Variants in PCOLCE2 observed in about 807,000 individuals in gnomAD.
PCOLCE2 encodes procollagen C-proteinase enhancer 2.
Under a neutral mutation model 47.0 loss-of-function variants are expected in PCOLCE2, and 42 were observed. The ratio of observed to expected loss-of-function variants is 0.89; its 90% CI spans 0.70 to 1.16. The LOEUF is 1.16. Ranked by LOEUF, PCOLCE2 falls within the 50% of genes most tolerant of loss-of-function variation. PCOLCE2 has a pLI of 0.00. For synonymous variants in PCOLCE2, 169 were observed against 191.7 expected (o/e 0.88, Z 0.98); for missense variants, 500 against 526.1 (o/e 0.95, Z 0.49).
At chr3:142,829,916 CT>C in intron 5 of PCOLCE2, 70 bp from the exon 6 acceptor site, 1 of 917,390 alleles carries the variant, frequency 1.1e-6, no homozygotes, top group Non-Finnish European at 1.6e-6. Flanking sequence ...GTAAAATTTT[CT>C]AGTTTTCCAT....
intron 2 of PCOLCE2, among the ~76,000 whole-genome samples, chr3:142,876,056 A>G (rs1174811363): frequency 1.3e-5 from 2 of 152,218 alleles, no homozygotes; most frequent in African/African-American, 4.8e-5. Flanking sequence ...AGTTTCTCCA[A>G]GAACCATCAG....
intron 2 of PCOLCE2, among the ~76,000 whole-genome samples, chr3:142,878,637 C>T (rs148752606): frequency 5.3e-5 from 8 of 152,270 alleles, no homozygotes; most frequent in African/African-American, 1.9e-4. Flanking sequence ...GGCGGGCCGA[C>T]TGACTTGAGG....
intron 2 of PCOLCE2, among the ~76,000 whole-genome samples, chr3:142,882,967 G>A (rs113898919): frequency 7.2e-5 from 11 of 152,088 alleles, no homozygotes; most frequent in African/African-American, 2.4e-4. Context: ...TTGGGAGGCC[G>A]AGGCGGGTGG....
rs755470071 is a variant in PCOLCE2, at chr3:142,887,655, T to C, written c.192+14A>G. On this transcript the variant is annotated intron_variant, in intron 2 of 8. Transcript: ENST00000295992. ...ACCCACTTCCAGGAGAATACCTTTT[T>C]AAAAAATGCTTACTGTGATTTTCCA... 7.3e-7 allele frequency: 1 copy of C among 1,371,070 alleles called. No individual in the cohort carries two copies. The highest frequency in any genetic ancestry group is 1.4e-5 in the African/African-American group (1 of 70,306). 84.9% of individuals were successfully genotyped at this position (1,371,070 alleles called of 1,614,324 possible).
chr3:142,868,224 T>G (rs1933320355), intron 2 of PCOLCE2, among the ~76,000 whole-genome samples: 1 of 152,114 alleles, frequency 6.6e-6, no homozygotes, highest in African/African-American at 2.4e-5. Flanking sequence ...GGACAGTGTT[T>G]CTCAAACTTT....
intron 6 of PCOLCE2, among the ~76,000 whole-genome samples, chr3:142,829,113 C>G (rs7648885): frequency 0.46 from 69,628 of 151,812 alleles, 16,525 homozygotes; most frequent in African/African-American, 0.53. Context: ...CCAGGTACTA[C>G]CTACAGAGAC....
In PCOLCE2 at chr3:142,869,256, G is replaced by A. The variant is rs1273698658; in HGVS notation, c.192+18413C>T. Among the ~76,000 whole-genome samples the A allele has an allele frequency of 3.3e-5, 5 of 151,416 alleles. No homozygotes were observed. In the East Asian group the frequency reaches 7.8e-4, roughly 24 times the overall value. ...CAGTGAGCCGAGATCGCGCCACTAC[G>A]CTCCAGCCTGGGCGACAGAGTGAGA... On this transcript the variant is annotated intron_variant, in intron 2 of 8. Coordinates refer to ENST00000295992, the MANE Select transcript of PCOLCE2 (RefSeq NM_013363.4).
rs1194014101 is a variant in PCOLCE2, at chr3:142,823,536, G to T, written c.945C>A (p.Asp315Glu). 2.5e-6 allele frequency: 4 copies of T among 1,590,108 alleles called. No individual in the cohort carries two copies. Among genetic ancestry groups the T allele is most frequent in the African/African-American group, 2.7e-5 (2 of 74,358 alleles). ...GTLEGNYCSS[D>E]FVLAGTVITT... ...AGACTGGCTTTTATTTCTTACCAAA[G>T]TCACTTGAACAATAATTGCCCTCCA... The change falls in exon 7 of 9, where the codon GAC (aspartate) becomes GAA (glutamate). Residue 315 changes from aspartate to glutamate, a missense_variant. Asp to Glu is a conservative substitution (Grantham distance 45). Transcript: ENST00000295992.
intron 4 of PCOLCE2, among the ~76,000 whole-genome samples, chr3:142,840,689 T>C (rs140250367): frequency 0.033 from 4,977 of 152,268 alleles, 107 homozygotes; most frequent in Middle Eastern, 0.048. Context: ...TGTATTAAAA[T>C]ATTTCCTCTT....
rs1280092671 is a variant in PCOLCE2, at chr3:142,889,000, C to G, written c.-104G>C. 6.1e-6 allele frequency: 3 copies of G among 491,510 alleles called. No individual in the cohort carries two copies. The highest frequency in any genetic ancestry group is 7.5e-5 in the South Asian group (1 of 13,328). The allele number at this position is 491,510 out of a possible 1,614,324, so 30.4% of individuals were successfully genotyped here. On this transcript the variant is annotated 5_prime_UTR_variant, in exon 1 of 9. Transcript: ENST00000295992. ...ACCGCCGCTCACACTGGCAGCAGCG[C>G]TGGCTCACACCGGCGCTCGGCTGCC...
chr3:142,818,344 C>G lies in PCOLCE2; in HGVS notation c.1239G>C (p.Lys413Asn), dbSNP rs890748134. The stretch of plus-strand genomic sequence containing the variant: ...TGGACACAGTTCACTGTTAACATTG[C>G]TTATTTTTTAAGGCATCCAGGAGCT... ...NQKLLDALKNKQC is the reference protein window; with the variant it reads ...NQKLLDALKNNQC The change falls in exon 9 of 9, where the codon AAG (lysine) becomes AAC (asparagine). Residue 413 changes from lysine to asparagine, a missense_variant. Transcript: ENST00000295992. The G allele has an allele frequency of 4.3e-6, 7 of 1,613,352 alleles. No individual in the cohort carries two copies. In the African/African-American group the frequency reaches 9.4e-5, roughly 22 times the overall value.
intron 2 of PCOLCE2, among the ~76,000 whole-genome samples, chr3:142,854,689 ACC>A (rs1560136363): frequency 6.6e-6 from 1 of 152,172 alleles, no homozygotes; most frequent in African/African-American, 2.4e-5. Flanking sequence ...GCCTGAAGAC[ACC>A]AGTGGAGATA....
chr3:142,851,416 C>G (rs1932937177), intron 2 of PCOLCE2, among the ~76,000 whole-genome samples: 1 of 151,986 alleles, frequency 6.6e-6, no homozygotes, highest in African/African-American at 2.4e-5. Flanking sequence ...TGAGGTTTGC[C>G]AAGGGAGGAT....
intron 2 of PCOLCE2, among the ~76,000 whole-genome samples, chr3:142,865,145 C>T (rs139586163): frequency 0.012 from 1,840 of 151,610 alleles, 35 homozygotes; most frequent in African/African-American, 0.042. Context: ...ACAACACTTG[C>T]TATTCTCTGT....
At chr3:142,862,920 T>C (rs1252600659) in intron 2 of PCOLCE2, among the ~76,000 whole-genome samples, 3 of 152,010 alleles carry the variant, frequency 2.0e-5, no homozygotes, top group South Asian at 4.1e-4. Context: ...ATAAAAATAT[T>C]CTTGTGCTTA....
At chr3:142,861,820 G>C (rs1419412045) in intron 2 of PCOLCE2, among the ~76,000 whole-genome samples, 1 of 152,218 alleles carries the variant, frequency 6.6e-6, no homozygotes, top group African/African-American at 2.4e-5. Flanking sequence ...CAGTGTGATG[G>C]GGACGAGCTG....
At chr3:142,841,756 ATGGTAT>A (rs1486065260) in intron 4 of PCOLCE2, among the ~76,000 whole-genome samples, 6 of 152,206 alleles carry the variant, frequency 3.9e-5, no homozygotes, top group African/African-American at 1.4e-4. Flanking sequence ...TACATGACAA[ATGGTAT>A]CTGTTCAAGC....
In PCOLCE2 at chr3:142,818,193, T is replaced by A. The variant is rs998277581; in HGVS notation, c.*142A>T. The A allele has an allele frequency of 4.1e-6, 3 of 732,130 alleles. No individual in the cohort carries two copies. The highest frequency in any genetic ancestry group is 4.4e-6 in the Non-Finnish European group (2 of 452,318). 45.4% of individuals were successfully genotyped at this position (732,130 alleles called of 1,614,324 possible). A position where few individuals can be genotyped will look rare whatever the true frequency, so the allele number is the denominator to read the frequency against. The stretch of plus-strand genomic sequence containing the variant: ...CTATCTCGGAGGCCTCATACCTCCA[T>A]CATGTGAAGAGTCAACCAGTCCCAT... On this transcript the variant is annotated 3_prime_UTR_variant, in exon 9 of 9. Transcript: ENST00000295992.
At position 142,888,870 on chromosome 3, in the gene PCOLCE2, T is replaced by C. The variant is rs759867323; in HGVS notation, c.27A>G (p.Pro9=). Residue 9 remains proline, a synonymous_variant, in exon 1 of 9, where the codon CCA becomes CCG. Coordinates refer to ENST00000295992, the MANE Select transcript of PCOLCE2 (RefSeq NM_013363.4). MRGANAWA[P]LCLLLAAATQ... ...TGGCGGCAGCCAGCAGCAGGCAGAGTGGCGCCCAGGCGTTCGCGCCCCTCA... is the reference window on the plus strand; with the variant it reads ...TGGCGGCAGCCAGCAGCAGGCAGAGCGGCGCCCAGGCGTTCGCGCCCCTCA... The C allele has an allele frequency of 3.2e-6, 5 of 1,545,268 alleles. No individual in the cohort carries two copies. In the Admixed American group the frequency reaches 6.0e-5, roughly 18 times the overall value.
Sources: gnomAD v4.1 joint callset for allele counts (sites outside exome capture counted in the v4.1 genomes callset) on GRCh38, gnomAD v4.1.1 for gene constraint, MANE v1.5 for transcripts, NCBI Gene and HGNC (gene_info 2026-07-23, HGNC 2026-07-21) for gene names.